KMT2C: variants seen among roughly 807,000 people sequenced by gnomAD.
KMT2C encodes the protein lysine methyltransferase 2C, also known as histone-lysine N-methyltransferase 2C.
In KMT2C, 88 loss-of-function variants were observed where a neutral mutation model predicts 507.9. That is an observed-to-expected ratio of 0.17 (90% CI 0.15 to 0.21). The LOEUF is 0.21. KMT2C is among the 10% of genes least tolerant of loss of function. KMT2C has a pLI of 1.00. For missense variants in KMT2C, 4,954 were observed against 5,957.8 expected (o/e 0.83, Z 5.55); for synonymous variants, 2,049 against 2,080.8 (o/e 0.98, Z 0.42).
intron 2 of KMT2C, among the ~76,000 whole-genome samples, chr7:152,349,633 G>C (rs2097093995): frequency 6.6e-6 from 1 of 152,020 alleles, no homozygotes; most frequent in South Asian, 2.1e-4. Context: ...GGTTAGCAAG[G>C]AGGGAGGGAG....
intron 3 of KMT2C, among the ~76,000 whole-genome samples, chr7:152,327,930 C>A (rs2096844476): frequency 6.7e-6 from 1 of 148,204 alleles, no homozygotes. Context: ...TGCATTCCAG[C>A]CTGGGCAACA....
At position 152,195,887 on chromosome 7, in the gene KMT2C, TA is replaced by T; in HGVS notation, c.4378+19del. On this transcript the variant is annotated intron_variant, in intron 28 of 58. Coordinates refer to ENST00000262189, the MANE Select transcript of KMT2C (RefSeq NM_170606.3). Reference sequence around the variant, plus strand: ...CTCACATCAGAAACCAGAAAAAGGGTAAACAGTATTCATATATACCTGAATG... The same window carrying T: ...CTCACATCAGAAACCAGAAAAAGGGTAACAGTATTCATATATACCTGAATG... The T allele has an allele frequency of 7.4e-7, 1 of 1,359,304 alleles. No homozygotes were observed. The highest frequency in any genetic ancestry group is 1.4e-5 in the African/African-American group (1 of 69,032). The allele number at this position is 1,359,304 out of a possible 1,614,324, so 84.2% of individuals were successfully genotyped here.
At chr7:152,187,504 A>G (rs2129124885) in intron 32 of KMT2C, 28 bp from the exon 33 acceptor site, 5 of 1,574,422 alleles carry the variant, frequency 3.2e-6, no homozygotes, top group Non-Finnish European at 4.4e-6. Flanking sequence ...TCTTTACTTT[A>G]TGAACATAAA....
chr7:152,390,926 C>G (rs2097488702), intron 1 of KMT2C, among the ~76,000 whole-genome samples: 1 of 151,892 alleles, frequency 6.6e-6, no homozygotes, highest in Non-Finnish European at 1.5e-5. Flanking sequence ...GCAGATGGAT[C>G]ACGAGGTCAG....
intron 45 of KMT2C, 62 bp from the exon 46 acceptor site, chr7:152,156,119 C>A (rs2129099728): frequency 6.3e-7 from 1 of 1,598,078 alleles, no homozygotes; most frequent in Non-Finnish European, 8.5e-7. Context: ...ATGGGTAGAA[C>A]TTTACAATTC....
intron 1 of KMT2C, among the ~76,000 whole-genome samples, chr7:152,378,584 T>C (rs2097347044): frequency 6.6e-6 from 1 of 152,230 alleles, no homozygotes; most frequent in Non-Finnish European, 1.5e-5. Flanking sequence ...CCTTGCTTTA[T>C]GGTGATACTC....
At chr7:152,136,973 T>C (rs775986465) in intron 58 of KMT2C, 49 bp from the exon 59 acceptor site, 8 of 1,389,946 alleles carry the variant, frequency 5.8e-6, no homozygotes, top group South Asian at 2.3e-5. Flanking sequence ...AGGAAGGCAA[T>C]AGCGTTTCTG....
rs548023960 is a variant in KMT2C, at chr7:152,259,626, A to G, written c.1299+3390T>C. Among the ~76,000 whole-genome samples, 71 of 152,328 alleles carry G rather than the reference A, an allele frequency of 4.7e-4. No individual in the cohort carries two copies. In the Middle Eastern group the frequency reaches 0.017, roughly 36 times the overall value. On this transcript the variant is annotated intron_variant, in intron 9 of 58. Transcript: ENST00000262189. ...ACTTATTTTCAAGTAAAAACTTTCT[A>G]AAAACACATAACATACCAACAAACA...
At chr7:152,431,856 T>A (rs1455408493) in intron 1 of KMT2C, among the ~76,000 whole-genome samples, 3 of 152,212 alleles carry the variant, frequency 2.0e-5, no homozygotes, top group Non-Finnish European at 4.4e-5. Flanking sequence ...AAAGCATGAA[T>A]AATAGTGCTG....
chr7:152,321,254 T>A (rs940794665), intron 3 of KMT2C, among the ~76,000 whole-genome samples: 1 of 151,644 alleles, frequency 6.6e-6, no homozygotes, highest in Non-Finnish European at 1.5e-5. Context: ...AATAAATAAA[T>A]AAATAAATTT....
At position 152,181,785 on chromosome 7, in the gene KMT2C, T is replaced by A. The variant is rs1256123238; in HGVS notation, c.6075A>T (p.Ser2025=). The stretch of plus-strand genomic sequence containing the variant: ...CAGGTGTCAACAAGGGTCGTGCATA[T>A]GAGTCAGGTATCCTTTGTCTTTGAA... ...DVFQRQRIPD[S]YARPLLTPAP... is the part of the protein sequence containing the mutation. The change falls in exon 36 of 59, where the codon TCA becomes TCT. Residue 2025 remains serine, a synonymous_variant. Coordinates refer to ENST00000262189, the MANE Select transcript of KMT2C (RefSeq NM_170606.3). 2 of 1,614,154 alleles carry A rather than the reference T, an allele frequency of 1.2e-6. No homozygotes were observed. Among genetic ancestry groups the A allele is most frequent in the East Asian group, 2.2e-5 (1 of 44,868 alleles).
intron 33 of KMT2C, among the ~76,000 whole-genome samples, chr7:152,186,954 A>G (rs540903413): frequency 6.6e-6 from 1 of 152,214 alleles, no homozygotes; most frequent in Non-Finnish European, 1.5e-5. Flanking sequence ...ATTAAATGAT[A>G]GTTTGGGTTC....
rs1022860955 is a variant in KMT2C at position 152,311,115 on chromosome 7, T to C, written c.739+683A>G. Among the ~76,000 whole-genome samples the C allele has an allele frequency of 2.6e-5, 4 of 152,198 alleles. No homozygotes were observed. In the East Asian group the frequency reaches 5.8e-4, roughly 22 times the overall value. On this transcript the variant is annotated intron_variant, in intron 5 of 58. Transcript: ENST00000262189. Reference sequence around the variant, plus strand: ...AGTCATTTTATTTAAATATTATATATGTATTTGATATGTTTCTGGTATCTT... The same window carrying C: ...AGTCATTTTATTTAAATATTATATACGTATTTGATATGTTTCTGGTATCTT...
chr7:152,318,626 C>CA (rs67446037), intron 3 of KMT2C, among the ~76,000 whole-genome samples: 5,899 of 54,032 alleles, frequency 0.11, 435 homozygotes, highest in East Asian at 0.24. Context: ...GACTCCATCT[C>CA]AAAAAAAAAA....
Position 152,319,387 on chromosome 7 carries a change from A to G in KMT2C, c.390-4049T>C, listed in dbSNP as rs547129888. ...ATACAGCAATAGGAGCTGAGGGGAC[A>G]TAGTGAGAAGTGACCAGAAGACAAG... is the stretch of plus-strand genomic sequence containing the variant. On this transcript the variant is annotated intron_variant, in intron 3 of 58. Coordinates refer to ENST00000262189, the MANE Select transcript of KMT2C (RefSeq NM_170606.3). Among the ~76,000 whole-genome samples the G allele has an allele frequency of 9.2e-5, 14 of 152,304 alleles. No individual in the cohort carries two copies. The South Asian group carries it at 2.5e-3, about 27-fold the overall frequency.
intron 31 of KMT2C, among the ~76,000 whole-genome samples, chr7:152,193,784 A>G (rs1465463985): frequency 6.6e-6 from 1 of 152,158 alleles, no homozygotes; most frequent in Non-Finnish European, 1.5e-5. Context: ...GCACTGTTAC[A>G]TCCTCCCCAC....
At chr7:152,313,105 G>A (rs1254797451) in intron 4 of KMT2C, among the ~76,000 whole-genome samples, 3 of 151,968 alleles carry the variant, frequency 2.0e-5, no homozygotes, top group Non-Finnish European at 1.5e-5. Flanking sequence ...AAAAGGTATA[G>A]CATGCTATGC....
rs116656743 is a variant in KMT2C, at chr7:152,178,070, G to C, written c.7443-60C>G. The C allele has an allele frequency of 3.1e-6, 4 of 1,291,868 alleles. No individual in the cohort carries two copies. The African/African-American group carries it at 7.2e-5, about 23-fold the overall frequency. The allele number at this position is 1,291,868 out of a possible 1,614,324, so 80.0% of individuals were successfully genotyped here. ...AAATAGGTATTATGTTAAATTTAGA[G>C]TTAAGTTGAAAAAAAGAAAAGTCTT... On this transcript the variant is annotated intron_variant, in intron 37 of 58. Transcript: ENST00000262189.
intron 44 of KMT2C, 145 bp downstream of exon 44, chr7:152,158,718 G>A: frequency 2.8e-6 from 2 of 721,580 alleles, no homozygotes; most frequent in East Asian, 2.5e-5. Context: ...GTTTTGCCAT[G>A]TTGGCTAAGC....
Sources: allele counts gnomAD v4.1 joint callset (sites outside exome capture counted in the v4.1 genomes callset), GRCh38; gene constraint gnomAD v4.1.1; transcripts MANE v1.5; gene names NCBI Gene and HGNC (gene_info 2026-07-23, HGNC 2026-07-21).